FGF13: variants seen among roughly 807,000 people sequenced by gnomAD.
FGF13 encodes fibroblast growth factor 13.
FGF13 carries 2 observed loss-of-function variants against 19.5 expected under a neutral mutation model. The ratio of observed to expected loss-of-function variants is 0.10; its 90% confidence interval spans 0.04 to 0.32. The LOEUF is 0.32. FGF13 is among the 10% of genes least tolerant of loss of function. The probability of loss-of-function intolerance (pLI) is 1.00; values close to 1 mark genes in which losing one functional copy is unlikely to be tolerated. For missense variants in FGF13, 113 were observed against 192.7 expected (o/e 0.59, Z 2.45); for synonymous variants, 72 against 76.9 (o/e 0.94, Z 0.33).
chrX:138,653,432 T>C (rs552520894), intron 3 of FGF13, among the ~76,000 whole-genome samples: 4 of 111,704 alleles, frequency 3.6e-5, no homozygotes, highest in African/African-American at 1.3e-4. Flanking sequence ...TAGTAATTAA[T>C]TATTAAAATT....
At chrX:139,058,926 C>T (rs1192861881) in intron 1 of FGF13, among the ~76,000 whole-genome samples, 1 of 111,467 alleles carries the variant, frequency 9.0e-6, no homozygotes, top group African/African-American at 3.3e-5. Context: ...CTCTGCTAGC[C>T]TTCCCTTTTT....
At chrX:138,650,051 G>A in intron 3 of FGF13, among the ~76,000 whole-genome samples, 1 of 112,101 alleles carries the variant, frequency 8.9e-6, no homozygotes, top group Middle Eastern at 4.6e-3. Flanking sequence ...AATAGCATGT[G>A]CCTTCTCTAG....
intron 1 of FGF13, among the ~76,000 whole-genome samples, chrX:138,722,182 A>C (rs950145768): frequency 2.7e-5 from 3 of 111,980 alleles, no homozygotes; most frequent in African/African-American, 9.7e-5. Context: ...TCTAACTCTT[A>C]GTCTCACTCC....
chrX:138,951,288 C>T (rs142442439), intron 1 of FGF13, among the ~76,000 whole-genome samples: 114 of 111,845 alleles, frequency 1.0e-3, no homozygotes, highest in African/African-American at 3.5e-3. Flanking sequence ...AAGCCAGATG[C>T]ATGCTGTAGT....
At position 138,631,272 on chromosome X, in the gene FGF13, G is replaced by GAAAT. The variant is rs1172769904; in HGVS notation, c.*1574_*1577dup. The GAAAT allele has an allele frequency of 9.8e-5, 11 of 112,184 alleles. No individual in the cohort carries two copies. Among genetic ancestry groups the GAAAT allele is most frequent in the Admixed American group, 3.8e-4 (4 of 10,529 alleles). 9.2% of individuals were successfully genotyped at this position (112,184 alleles called of 1,213,427 possible). ...CTGTGTATTCCCTCTAGAGAGGAGA[G>GAAAT]AAATAAGCAACAGAGAGGGGAAATG... On this transcript the variant is annotated 3_prime_UTR_variant, in exon 5 of 5. Transcript: ENST00000315930.
At chrX:139,015,395 C>T (rs1485481743) in intron 1 of FGF13, among the ~76,000 whole-genome samples, 2 of 110,392 alleles carry the variant, frequency 1.8e-5, no homozygotes, top group Admixed American at 1.9e-4. Flanking sequence ...AGTCAACATA[C>T]AAAAATCAGT....
chrX:138,794,200 G>A (rs577841179), intron 3 of FGF13, among the ~76,000 whole-genome samples: 4 of 111,876 alleles, frequency 3.6e-5, no homozygotes, highest in Admixed American at 9.5e-5. Context: ...CAGATCTTAC[G>A]ATAAAATTGT....
intron 3 of FGF13, among the ~76,000 whole-genome samples, chrX:138,677,514 C>T (rs1307884658): frequency 2.7e-5 from 3 of 111,351 alleles, no homozygotes; most frequent in Non-Finnish European, 5.7e-5. Flanking sequence ...AAAAAGTGGG[C>T]AAAGGACATG....
intron 3 of FGF13, among the ~76,000 whole-genome samples, chrX:138,748,195 C>T (rs768318953): frequency 1.8e-5 from 2 of 111,704 alleles, no homozygotes; most frequent in Non-Finnish European, 3.8e-5. Context: ...TATAATTGCA[C>T]AAAATTTTGA....
intron 3 of FGF13, among the ~76,000 whole-genome samples, chrX:138,805,710 A>G (rs780885252): frequency 8.9e-6 from 1 of 112,324 alleles, no homozygotes; most frequent in Non-Finnish European, 1.9e-5. Flanking sequence ...GTAAGAACAC[A>G]ACATGAAATC....
At chrX:138,948,579 T>A (rs1263648911) in intron 1 of FGF13, among the ~76,000 whole-genome samples, 1 of 111,980 alleles carries the variant, frequency 8.9e-6, no homozygotes, top group Non-Finnish European at 1.9e-5. Context: ...AGCTGTGAAA[T>A]CAGTAGAGGG....
At chrX:138,995,952 G>A (rs1167201728) in intron 1 of FGF13, among the ~76,000 whole-genome samples, 1 of 111,523 alleles carries the variant, frequency 9.0e-6, no homozygotes, top group Admixed American at 9.5e-5. Context: ...TAGTTAGAGG[G>A]GAATCGCCCA....
chrX:138,815,428 C>T (rs757778393), intron 3 of FGF13, among the ~76,000 whole-genome samples: 7 of 109,827 alleles, frequency 6.4e-5, no homozygotes, highest in African/African-American at 9.9e-5. Context: ...AATGTCACAC[C>T]GTACATTGTA....
intron 1 of FGF13, among the ~76,000 whole-genome samples, chrX:139,110,355 G>A (rs752605373): frequency 5.5e-5 from 6 of 109,510 alleles, no homozygotes; most frequent in South Asian, 4.1e-4. Flanking sequence ...TAATTCCCAC[G>A]TGTACTCCAA....
chrX:139,004,287 C>T (rs1214011917), intron 1 of FGF13, among the ~76,000 whole-genome samples: 4 of 112,988 alleles, frequency 3.5e-5, no homozygotes, highest in Non-Finnish European at 7.5e-5. Flanking sequence ...TCCCTCATTG[C>T]CCGGAGCCAG....
intron 1 of FGF13, among the ~76,000 whole-genome samples, chrX:139,143,935 C>T (rs904718789): frequency 5.4e-5 from 6 of 111,701 alleles, no homozygotes; most frequent in African/African-American, 1.9e-4. Flanking sequence ...CCTTTCTCTT[C>T]TTGCTACCCT....
intron 1 of FGF13, among the ~76,000 whole-genome samples, chrX:138,986,384 A>T (rs186335870): frequency 3.1e-3 from 347 of 111,692 alleles, no homozygotes; most frequent in Non-Finnish European, 5.5e-3. Flanking sequence ...CTAAGATCGA[A>T]CAATGAGTGA....
chrX:139,072,278 C>T (rs867422281), intron 1 of FGF13, among the ~76,000 whole-genome samples: 7 of 97,353 alleles, frequency 7.2e-5, no homozygotes, highest in African/African-American at 2.8e-4. Flanking sequence ...TCTCTCTCTA[C>T]ACACACACAC....
chrX:139,100,605 CA>C (rs2124457104), intron 1 of FGF13, among the ~76,000 whole-genome samples: 1 of 111,460 alleles, frequency 9.0e-6, no homozygotes, highest in East Asian at 2.8e-4. Context: ...TACAATACAA[CA>C]AAGACGATAA....
Sources: gnomAD v4.1 joint callset for allele counts (sites outside exome capture counted in the v4.1 genomes callset) on GRCh38, gnomAD v4.1.1 for gene constraint, MANE v1.5 for transcripts, NCBI Gene and HGNC (gene_info 2026-07-23, HGNC 2026-07-21) for gene names.